The following ABCA13 variants were observed in gnomAD, a reference collection of about 807,000 sequenced individuals.
The protein encoded by ABCA13 is ATP binding cassette subfamily A member 13.
In ABCA13, 476 loss-of-function variants were observed where a neutral mutation model predicts 478.7. That is an observed-to-expected ratio of 0.99 (90% CI 0.92 to 1.07). The LOEUF is 1.07. ABCA13 is among the 50% of genes least tolerant of loss of function. ABCA13 has a pLI of 0.00. For missense variants in ABCA13, 6,060 were observed against 5,910.6 expected, an observed-to-expected ratio of 1.03 and a Z score of -0.83; for synonymous variants, 2,252 against 2,158.9, an observed-to-expected ratio of 1.04 and a Z score of -1.20.
chr7:48,416,478 G>A (rs1820007400), intron 41 of ABCA13, among the ~76,000 whole-genome samples: 1 of 152,114 alleles, frequency 6.6e-6, no homozygotes, highest in South Asian at 2.1e-4. Flanking sequence ...ACTGCAGAAT[G>A]ACTCCCCTAC....
chr7:48,263,330 T>G (rs1365727249), intron 15 of ABCA13, among the ~76,000 whole-genome samples: 1 of 151,930 alleles, frequency 6.6e-6, no homozygotes, highest in Admixed American at 6.6e-5. Flanking sequence ...GATAAGTATG[T>G]GGTATAATAG....
chr7:48,588,544 G>A lies in ABCA13; in HGVS notation c.14640+1256G>A, dbSNP rs559952812. 3.3e-5 allele frequency among the ~76,000 whole-genome samples: 5 copies of A among 152,162 alleles called. No homozygotes were observed. In the South Asian group the frequency reaches 1.0e-3, roughly 32 times the overall value. ...AACCTGTGACAGAGTGGTCAAGGTG[G>A]GGACTCTGGAGTCTGACTGACAAGC... On this transcript the variant is annotated intron_variant, in intron 57 of 61. Transcript: ENST00000435803.
chr7:48,269,087 A>G lies in ABCA13; in HGVS notation c.2113A>G (p.Ile705Val). 6.5e-7 allele frequency: 1 copy of G among 1,534,104 alleles called. No individual in the cohort carries two copies. Among genetic ancestry groups the G allele is most frequent in the Non-Finnish European group, 9.0e-7 (1 of 1,109,934 alleles). The part of the protein sequence containing the change: ...NNLLKSPTAS[I>V]SRALNFTKHL... ...CTTACTCAAGTCTCCAACAGCTTCC[A>G]TATCCAGGTAAGTTATCAGAATCCA... The change falls in exon 16 of 62, where the codon ATA becomes GTA. Residue 705 changes from isoleucine to valine, a missense_variant. Ile to Val is a conservative substitution (Grantham distance 29, BLOSUM62 3). Transcript: ENST00000435803.
Position 48,269,032 on chromosome 7 carries a change from C to A in ABCA13, c.2058C>A (p.Ile686=). The change falls in exon 16 of 62, where the codon ATC becomes ATA. Residue 686 remains isoleucine (I), a synonymous_variant. Coordinates refer to ENST00000435803, the MANE Select transcript of ABCA13 (RefSeq NM_152701.5). ...AAGAAAACATGGATTGGAAAATGAT[C>A]AGTGATAATTATTTTCAATTTTTGA... ...CFEENMDWKM[I]SDNYFQFLNN... 1 of 1,604,080 alleles carries A rather than the reference C, an allele frequency of 6.2e-7. No individual in the cohort carries two copies. Among genetic ancestry groups the A allele is most frequent in the South Asian group, 1.1e-5 (1 of 90,018 alleles).
Position 48,500,389 on chromosome 7 carries a change from A to G in ABCA13, c.13292-5947A>G, listed in dbSNP as rs149627561. Among the ~76,000 whole-genome samples the G allele has an allele frequency of 6.1e-3, 936 of 152,234 alleles. 9 individuals are homozygous for G. Among genetic ancestry groups the G allele is most frequent in the African/African-American group, 0.022 (893 of 41,534 alleles). On this transcript the variant is annotated intron_variant, in intron 48 of 61. Coordinates refer to ENST00000435803, the MANE Select transcript of ABCA13 (RefSeq NM_152701.5). Reference sequence around the variant, plus strand: ...AACCAAGGACCTTAGGTAGGAGAGTAAGCTTCCACCTGTGTCTTGTTTGTT... The same window carrying G: ...AACCAAGGACCTTAGGTAGGAGAGTGAGCTTCCACCTGTGTCTTGTTTGTT...
intron 39 of ABCA13, among the ~76,000 whole-genome samples, chr7:48,406,524 A>G (rs970174378): frequency 6.6e-6 from 1 of 152,198 alleles, no homozygotes; most frequent in Non-Finnish European, 1.5e-5. Flanking sequence ...GGAGGAACAT[A>G]TCATCTGAAT....
chr7:48,401,687 C>G (rs1175319819), intron 38 of ABCA13, among the ~76,000 whole-genome samples: 1 of 151,604 alleles, frequency 6.6e-6, no homozygotes, highest in African/African-American at 2.4e-5. Flanking sequence ...ATACCCTCAT[C>G]CTCACTTCCT....
In ABCA13 at chr7:48,391,979, A is replaced by T. The variant is rs1158763943; in HGVS notation, c.11713A>T (p.Asn3905Tyr). The T allele has an allele frequency of 6.2e-7, 1 of 1,613,974 alleles. No homozygotes were observed. Among genetic ancestry groups the T allele is most frequent in the African/African-American group, 1.3e-5 (1 of 75,046 alleles). ...TSGTIIINGKNLQTDLSRVRM... is the reference protein window; with the variant it reads ...TSGTIIINGKYLQTDLSRVRM... ...TGGAACCATCATCATCAATGGCAAG[A>T]ACCTACAGACAGACCTGTCGAGGGT... Residue 3905 changes from asparagine to tyrosine, a missense_variant, in exon 38 of 62, where the codon AAC (asparagine) becomes TAC (tyrosine). By Grantham distance (143) the Asn-to-Tyr change is moderately radical (BLOSUM62 -2). Transcript: ENST00000435803.
At chr7:48,513,424 G>A (rs1329512725) in intron 51 of ABCA13, among the ~76,000 whole-genome samples, 1 of 152,160 alleles carries the variant, frequency 6.6e-6, no homozygotes, top group Non-Finnish European at 1.5e-5. Flanking sequence ...GGGAGAATTA[G>A]CATCCAAAAG....
intron 27 of ABCA13, among the ~76,000 whole-genome samples, chr7:48,324,652 G>C (rs117839509): frequency 0.014 from 2,179 of 152,256 alleles, 31 homozygotes; most frequent in South Asian, 0.046. Flanking sequence ...AGGAACGTAG[G>C]ACTGCATACT....
At chr7:48,207,085 C>CTTAT (rs1266786322) in intron 3 of ABCA13, among the ~76,000 whole-genome samples, 1 of 152,162 alleles carries the variant, frequency 6.6e-6, no homozygotes, top group African/African-American at 2.4e-5. Flanking sequence ...CTGTGCCTGG[C>CTTAT]TTATTTCCCT....
chr7:48,374,973 T>C (rs1449100536), intron 34 of ABCA13, among the ~76,000 whole-genome samples: 1 of 152,206 alleles, frequency 6.6e-6, no homozygotes, highest in African/African-American at 2.4e-5. Flanking sequence ...GAACTGTGCA[T>C]GCAAAAGATC....
chr7:48,488,513 A>C (rs972166456), intron 47 of ABCA13, among the ~76,000 whole-genome samples: 7 of 152,216 alleles, frequency 4.6e-5, no homozygotes, highest in Non-Finnish European at 8.8e-5. Flanking sequence ...ATTATCTGTC[A>C]CAAAAGGCAG....
At chr7:48,237,788 A>G (rs1790190636) in intron 8 of ABCA13, among the ~76,000 whole-genome samples, 1 of 152,222 alleles carries the variant, frequency 6.6e-6, no homozygotes. Context: ...ACCTCACTTC[A>G]GCCTCTGCCT....
chr7:48,458,577 G>C (rs1825919389), intron 43 of ABCA13, among the ~76,000 whole-genome samples: 1 of 152,180 alleles, frequency 6.6e-6, no homozygotes, highest in South Asian at 2.1e-4. Flanking sequence ...AGAGCCCCAT[G>C]CTTCTAAAAT....
intron 31 of ABCA13, among the ~76,000 whole-genome samples, chr7:48,357,524 G>A (rs1810122197): frequency 6.6e-6 from 1 of 151,912 alleles, no homozygotes; most frequent in Non-Finnish European, 1.5e-5. Flanking sequence ...TCTCCTTGCT[G>A]GGCAGAGGAG....
chr7:48,288,932 G>A (rs1798135125), intron 20 of ABCA13, among the ~76,000 whole-genome samples: 1 of 152,170 alleles, frequency 6.6e-6, no homozygotes, highest in Non-Finnish European at 1.5e-5. Flanking sequence ...CAATGGTGAT[G>A]TCCTTCCAAC....
Position 48,273,448 on chromosome 7 carries a change from A to G in ABCA13, c.3782A>G (p.Glu1261Gly). The G allele has an allele frequency of 6.2e-7, 1 of 1,612,642 alleles. No homozygotes were observed. The highest frequency in any genetic ancestry group is 8.5e-7 in the Non-Finnish European group (1 of 1,179,216). The change falls in exon 17 of 62, where the codon GAA becomes GGA. Residue 1261 changes from glutamate (E) to glycine (G), a missense_variant. Physicochemically the swap from Glu to Gly is moderately conservative, Grantham distance 98. Coordinates refer to ENST00000435803, the MANE Select transcript of ABCA13 (RefSeq NM_152701.5). ...GTGGAGAAATCCCTTTTCACCATGG[A>G]AGCTGCCCTGCATCAGTTGAAGACA... ...EQVEKSLFTM[E>G]AALHQLKTFP...
At position 48,303,552 on chromosome 7, in the gene ABCA13, G is replaced by C. The variant is rs532249207; in HGVS notation, c.9321+5065G>C. ...AGCCCAGTTTCAATCTTCTGCACAT[G>C]GCTAGCCAGTTATCTCAGCACCATT... On this transcript the variant is annotated intron_variant, in intron 23 of 61. Coordinates refer to ENST00000435803, the MANE Select transcript of ABCA13 (RefSeq NM_152701.5). 3.9e-4 allele frequency among the ~76,000 whole-genome samples: 60 copies of C among 152,132 alleles called. No individual in the cohort carries two copies. The South Asian group carries it at 0.012, about 30-fold the overall frequency.
Sources: gnomAD v4.1 joint callset for allele counts (sites outside exome capture counted in the v4.1 genomes callset) on GRCh38, gnomAD v4.1.1 for gene constraint, MANE v1.5 for transcripts, NCBI Gene and HGNC (gene_info 2026-07-23, HGNC 2026-07-21) for gene names.